The following RHBDD1 variants were observed in gnomAD, a reference collection of about 807,000 sequenced individuals.
RHBDD1 encodes rhomboid domain containing 1.
A neutral mutation model predicts 36.3 loss-of-function variants in RHBDD1; 38 were observed. The observed-to-expected ratio is 1.05, with a 90% CI of 0.81 to 1.37. The LOEUF (loss-of-function observed/expected upper bound fraction) is 1.37, where lower values mean the gene tolerates loss of function less well. Among genes scored for constraint, RHBDD1 ranks in the 40% most tolerant of loss-of-function variants. The pLI is 0.00. For missense variants in RHBDD1, 393 were observed against 377.6 expected (o/e 1.04, Z -0.34); for synonymous variants, 151 against 136.5 (o/e 1.11, Z -0.74).
intron 8 of RHBDD1, among the ~76,000 whole-genome samples, chr2:226,981,891 G>A (rs866404718): frequency 2.6e-5 from 4 of 152,290 alleles, no homozygotes; most frequent in East Asian, 1.9e-4. Flanking sequence ...TCACTGCCAC[G>A]TATCTCATGG....
At chr2:226,878,885 G>A (rs1200572424) in intron 5 of RHBDD1, among the ~76,000 whole-genome samples, 2 of 152,156 alleles carry the variant, frequency 1.3e-5, no homozygotes, top group Non-Finnish European at 2.9e-5. Flanking sequence ...TTGAGTCGGG[G>A]AGAGTAGAGT....
At chr2:226,931,642 T>C (rs1443674102) in intron 8 of RHBDD1, among the ~76,000 whole-genome samples, 2 of 152,086 alleles carry the variant, frequency 1.3e-5, no homozygotes, top group Admixed American at 6.6e-5. Context: ...CTAAAGCTAC[T>C]GAAATAAAAA....
At chr2:226,896,580 G>C (rs948084241) in intron 5 of RHBDD1, among the ~76,000 whole-genome samples, 5 of 152,024 alleles carry the variant, frequency 3.3e-5, no homozygotes, top group African/African-American at 1.2e-4. Context: ...TGCTTAATTT[G>C]GCCATTCTTA....
At chr2:226,887,514 T>C (rs1946330655) in intron 5 of RHBDD1, among the ~76,000 whole-genome samples, 1 of 152,248 alleles carries the variant, frequency 6.6e-6, no homozygotes, top group Non-Finnish European at 1.5e-5. Flanking sequence ...ATATACCAAG[T>C]AATTTGAACT....
chr2:226,911,459 C>A (rs890448557), intron 7 of RHBDD1, among the ~76,000 whole-genome samples: 2 of 151,208 alleles, frequency 1.3e-5, no homozygotes, highest in African/African-American at 4.9e-5. Context: ...ATTAGTGTTG[C>A]AGAATGGTTG....
At position 226,981,216 on chromosome 2, in the gene RHBDD1, A is replaced by C. The variant is rs968338168; in HGVS notation, c.857-14215A>C. Among the ~76,000 whole-genome samples the C allele has an allele frequency of 2.0e-5, 3 of 152,228 alleles. No homozygotes were observed. In the South Asian group the frequency reaches 6.2e-4, roughly 32 times the overall value. The stretch of plus-strand genomic sequence containing the variant: ...GGAACATCATACACTGGGGCCTGTC[A>C]TGGGGTGAGGGATGGGGGAGGGATA... On this transcript the variant is annotated intron_variant, in intron 8 of 8. Coordinates refer to ENST00000392062, the MANE Select transcript of RHBDD1 (RefSeq NM_001167608.3).
intron 8 of RHBDD1, among the ~76,000 whole-genome samples, chr2:226,949,592 CATAATA>C (rs1483424446): frequency 1.2e-4 from 18 of 152,090 alleles, no homozygotes; most frequent in Admixed American, 6.6e-5. Context: ...ATTGGTAGGA[CATAATA>C]ATAGTGATAT....
intron 8 of RHBDD1, among the ~76,000 whole-genome samples, chr2:226,973,962 C>T (rs1378082761): frequency 1.3e-5 from 2 of 152,198 alleles, no homozygotes; most frequent in African/African-American, 4.8e-5. Context: ...GGCTGCCTCT[C>T]TGCAATGAGC....
At chr2:226,821,352 AC>A in the RHBDD1 span, among the ~76,000 whole-genome samples, 1 of 151,948 alleles carries the variant, frequency 6.6e-6, no homozygotes. Flanking sequence ...CAGTGAATGA[AC>A]TTTTAATGTT....
chr2:226,824,728 TG>T, the RHBDD1 span, among the ~76,000 whole-genome samples: 7 of 152,228 alleles, frequency 4.6e-5, no homozygotes, highest in Non-Finnish European at 1.0e-4. Flanking sequence ...CTTCTGCCTC[TG>T]GCCCCCTTCA....
chr2:226,817,132 T>G, the RHBDD1 span, among the ~76,000 whole-genome samples: 2 of 152,226 alleles, frequency 1.3e-5, no homozygotes, highest in Non-Finnish European at 2.9e-5. Context: ...TTGTCCTGTG[T>G]AGGTGTGCAT....
At chr2:226,926,038 C>T (rs909258532) in intron 8 of RHBDD1, among the ~76,000 whole-genome samples, 3 of 152,054 alleles carry the variant, frequency 2.0e-5, no homozygotes, top group Non-Finnish European at 2.9e-5. Context: ...AGGTTGGAGA[C>T]ATCCTGTTAC....
chr2:226,955,065 C>G (rs1188339499), intron 8 of RHBDD1, among the ~76,000 whole-genome samples: 1 of 151,874 alleles, frequency 6.6e-6, no homozygotes, highest in African/African-American at 2.4e-5. Flanking sequence ...AGGCAGTAGA[C>G]TGGGGCCAAG....
chr2:226,868,549 G>A (rs544449664), intron 5 of RHBDD1, among the ~76,000 whole-genome samples: 2 of 152,330 alleles, frequency 1.3e-5, no homozygotes, highest in South Asian at 2.1e-4. Flanking sequence ...GGGACTGGAC[G>A]TTGGCAAAGG....
chr2:226,961,542 AT>A (rs35615636), intron 8 of RHBDD1, among the ~76,000 whole-genome samples: 15 of 151,382 alleles, frequency 9.9e-5, no homozygotes, highest in South Asian at 2.1e-4. Context: ...CATTTCATGC[AT>A]TTTTTTTTCA....
At chr2:226,881,198 C>T (rs1016904490) in intron 5 of RHBDD1, among the ~76,000 whole-genome samples, 1 of 152,082 alleles carries the variant, frequency 6.6e-6, no homozygotes, top group African/African-American at 2.4e-5. Context: ...GGGAAACAGC[C>T]CCATGATTCA....
chr2:226,931,940 G>A (rs1189854198), intron 8 of RHBDD1, among the ~76,000 whole-genome samples: 1 of 151,852 alleles, frequency 6.6e-6, no homozygotes, highest in Non-Finnish European at 1.5e-5. Context: ...TAACAACAAT[G>A]AGTTTTTCAA....
chr2:226,944,479 C>T (rs560291410), intron 8 of RHBDD1, among the ~76,000 whole-genome samples: 11 of 152,212 alleles, frequency 7.2e-5, no homozygotes, highest in South Asian at 2.1e-4. Flanking sequence ...AATAATGAGA[C>T]CGCAGGAGCA....
At chr2:226,893,085 C>T (rs997675323) in intron 5 of RHBDD1, among the ~76,000 whole-genome samples, 1 of 152,106 alleles carries the variant, frequency 6.6e-6, no homozygotes, top group African/African-American at 2.4e-5. Flanking sequence ...TATTTCCTGC[C>T]ATCTTTTCTT....
Sources: gnomAD v4.1 joint callset for allele counts (sites outside exome capture counted in the v4.1 genomes callset) on GRCh38, gnomAD v4.1.1 for gene constraint, MANE v1.5 for transcripts, NCBI Gene and HGNC (gene_info 2026-07-23, HGNC 2026-07-21) for gene names.